Variants in IKZF2 observed in about 807,000 individuals in gnomAD.
The protein encoded by IKZF2 is IKAROS family zinc finger 2.
A neutral mutation model predicts 49.2 loss-of-function variants in IKZF2; 15 were observed. The observed-to-expected ratio is 0.30, with a 90% CI of 0.20 to 0.47. The LOEUF (loss-of-function observed/expected upper bound fraction) is 0.47, where lower values mean the gene tolerates loss of function less well. Ranked by LOEUF, IKZF2 falls within the 20% of genes least tolerant of loss-of-function variation. IKZF2 has a pLI of 1.00. For missense variants in IKZF2, 567 were observed against 664.6 expected, an observed-to-expected ratio of 0.85 and a Z score of 1.61; for synonymous variants, 227 against 221.4, an observed-to-expected ratio of 1.03 and a Z score of -0.23.
intron 2 of IKZF2, 66 bp downstream of exon 2, chr2:213,150,078 T>G: frequency 1.1e-6 from 1 of 923,992 alleles, no homozygotes; most frequent in East Asian, 6.1e-5. Flanking sequence ...AATGAAATGG[T>G]TATTAACCCT....
At chr2:213,149,113 G>C (rs2061183329) in intron 2 of IKZF2, among the ~76,000 whole-genome samples, 1 of 152,054 alleles carries the variant, frequency 6.6e-6, no homozygotes, top group South Asian at 2.1e-4. Flanking sequence ...ACAAACATAA[G>C]AAAACAAAAC....
At chr2:213,029,128 T>G (rs1258876394) in intron 6 of IKZF2, among the ~76,000 whole-genome samples, 1 of 152,064 alleles carries the variant, frequency 6.6e-6, no homozygotes, top group Non-Finnish European at 1.5e-5. Flanking sequence ...GCAGTATTTT[T>G]TTCTTGTAAT....
chr2:213,075,688 A>G (rs1485400497), intron 4 of IKZF2, among the ~76,000 whole-genome samples: 1 of 152,142 alleles, frequency 6.6e-6, no homozygotes, highest in East Asian at 1.9e-4. Flanking sequence ...TCATTAATTG[A>G]TATATACTGA....
intron 6 of IKZF2, among the ~76,000 whole-genome samples, chr2:213,035,254 T>G (rs1161963804): frequency 5.0e-5 from 4 of 80,640 alleles, no homozygotes; most frequent in Non-Finnish European, 1.4e-4. Flanking sequence ...GTGGAAAATC[T>G]TTTTTTTTCC....
intron 4 of IKZF2, among the ~76,000 whole-genome samples, chr2:213,111,283 G>C (rs2059695367): frequency 6.6e-6 from 1 of 151,908 alleles, no homozygotes; most frequent in African/African-American, 2.4e-5. Context: ...AGTTTATCCT[G>C]AAGTTCAGTA....
rs114108500 is a variant in IKZF2 at position 213,123,118 on chromosome 2, C to T, written c.139+24590G>A. ...ATCCTCAGAGGAAGAAATGTGGATG[C>T]CTACAACCACTTTCAGTAGACTCCA... On this transcript the variant is annotated intron_variant, in intron 4 of 8. Coordinates refer to ENST00000434687, the MANE Select transcript of IKZF2 (RefSeq NM_001387220.1). Among the ~76,000 whole-genome samples the T allele has an allele frequency of 6.0e-3, 919 of 152,256 alleles. 6 individuals carry two copies. The highest frequency in any genetic ancestry group is 0.011 in the Non-Finnish European group (724 of 68,016).
Position 213,056,896 on chromosome 2 carries a change from C to T in IKZF2, c.343G>A (p.Asp115Asn). The T allele has an allele frequency of 1.2e-6, 2 of 1,613,896 alleles. No individual in the cohort carries two copies. Among genetic ancestry groups the T allele is most frequent in the Non-Finnish European group, 1.7e-6 (2 of 1,179,896 alleles). ...IRLPNGKLKC[D>N]VCGMVCIGPN... ...CCAATGCAAACCATGCCACAGACGT[C>T]ACATTTCAGTTTACCATTCGGAAGC... The change falls in exon 5 of 9, where the codon GAC (aspartate) becomes AAC (asparagine). Residue 115 changes from aspartate (D) to asparagine (N), a missense_variant. Asp to Asn is a conservative substitution (Grantham distance 23). Coordinates refer to ENST00000434687, the MANE Select transcript of IKZF2 (RefSeq NM_001387220.1).
At chr2:213,107,485 A>G (rs1232222080) in intron 4 of IKZF2, among the ~76,000 whole-genome samples, 1 of 152,138 alleles carries the variant, frequency 6.6e-6, no homozygotes, top group Non-Finnish European at 1.5e-5. Context: ...ATTGTCTCTA[A>G]ATGTTTTTCT....
At position 213,001,059 on chromosome 2, in the gene IKZF2, T is replaced by C. The variant is rs1559142641; in HGVS notation, c.*6301A>G. ...TTTTTGTCATTAGCTAAAGGAAGAA[T>C]AGGTCAGAAAAGAAAAAAAAATCAC... On this transcript the variant is annotated 3_prime_UTR_variant, in exon 9 of 9. Coordinates refer to ENST00000434687, the MANE Select transcript of IKZF2 (RefSeq NM_001387220.1). The C allele has an allele frequency of 6.6e-6, 1 of 151,720 alleles. No individual in the cohort carries two copies. The highest frequency in any genetic ancestry group is 1.5e-5 in the Non-Finnish European group (1 of 67,530). The allele number at this position is 151,720 out of a possible 1,614,324, so 9.4% of individuals were successfully genotyped here.
chr2:213,097,783 A>G (rs528388743), intron 4 of IKZF2: 3 of 166,484 alleles, frequency 1.8e-5, no homozygotes, highest in South Asian at 3.0e-4. Context: ...CTCTCTATCA[A>G]TATGTACTTG....
At chr2:213,056,670 C>T in intron 5 of IKZF2, 163 bp downstream of exon 5, 1 of 846,410 alleles carries the variant, frequency 1.2e-6, no homozygotes, top group Non-Finnish European at 1.9e-6. Flanking sequence ...GAAGTCAAGA[C>T]CCAGGCTACT....
intron 4 of IKZF2, among the ~76,000 whole-genome samples, chr2:213,088,251 G>A (rs1704890432): frequency 6.6e-6 from 1 of 152,148 alleles, no homozygotes; most frequent in Non-Finnish European, 1.5e-5. Context: ...TTTCTCTGAT[G>A]GCCAGTGATG....
At chr2:213,073,791 C>T (rs1007226963) in intron 4 of IKZF2, among the ~76,000 whole-genome samples, 1 of 152,204 alleles carries the variant, frequency 6.6e-6, no homozygotes, top group African/African-American at 2.4e-5. Flanking sequence ...CTCACTGCAA[C>T]CTCCACATCT....
intron 6 of IKZF2, among the ~76,000 whole-genome samples, chr2:213,038,963 T>C (rs1190892670): frequency 6.6e-6 from 1 of 152,056 alleles, no homozygotes; most frequent in African/African-American, 2.4e-5. Context: ...TTAAACAATA[T>C]GGTCAAAGAT....
intron 4 of IKZF2, among the ~76,000 whole-genome samples, chr2:213,146,652 C>A (rs1408764937): frequency 6.7e-6 from 1 of 148,188 alleles, no homozygotes; most frequent in East Asian, 2.0e-4. Flanking sequence ...GTTTCGAGAG[C>A]TGTTAGAAGT....
chr2:213,104,679 T>C (rs1280881136), intron 4 of IKZF2, among the ~76,000 whole-genome samples: 1 of 152,178 alleles, frequency 6.6e-6, no homozygotes, highest in Non-Finnish European at 1.5e-5. Context: ...TTGCTGCCAG[T>C]GAATTCAGGT....
At chr2:213,131,195 A>T (rs1260645024) in intron 4 of IKZF2, among the ~76,000 whole-genome samples, 1 of 152,102 alleles carries the variant, frequency 6.6e-6, no homozygotes, top group Non-Finnish European at 1.5e-5. Context: ...AATTATCACA[A>T]CTCCTCTAAG....
At chr2:213,030,920 G>C (rs1355330594) in intron 6 of IKZF2, among the ~76,000 whole-genome samples, 1 of 151,728 alleles carries the variant, frequency 6.6e-6, no homozygotes, top group African/African-American at 2.4e-5. Flanking sequence ...CCACCTCCTG[G>C]GTTCAAATGA....
chr2:213,117,573 G>C (rs186543662), intron 4 of IKZF2, among the ~76,000 whole-genome samples: 2 of 152,294 alleles, frequency 1.3e-5, no homozygotes, highest in Non-Finnish European at 2.9e-5. Context: ...GCTAAGGGCA[G>C]GGGCTCTAAC....
Sources: gnomAD v4.1 joint callset for allele counts (sites outside exome capture counted in the v4.1 genomes callset) on GRCh38, gnomAD v4.1.1 for gene constraint, MANE v1.5 for transcripts, NCBI Gene and HGNC (gene_info 2026-07-23, HGNC 2026-07-21) for gene names.